MAML3: variants seen among roughly 807,000 people sequenced by gnomAD.
The protein encoded by MAML3 is mastermind like transcriptional coactivator 3.
MAML3 carries 27 observed loss-of-function variants against 101.9 expected under a neutral mutation model. The ratio of observed to expected loss-of-function variants is 0.27; its 90% confidence interval spans 0.20 to 0.37. The LOEUF (loss-of-function observed/expected upper bound fraction) is 0.37. Ranked by LOEUF, MAML3 falls within the 10% of genes least tolerant of loss-of-function variation. The pLI is 1.00. For synonymous variants in MAML3, 501 were observed against 555.9 expected (o/e 0.90, Z 1.39); for missense variants, 1,316 against 1,444.9 (o/e 0.91, Z 1.45).
chr4:140,062,998 G>C (rs188321906), intron 1 of MAML3, among the ~76,000 whole-genome samples: 84 of 152,130 alleles, frequency 5.5e-4, no homozygotes, highest in Non-Finnish European at 8.5e-4. Flanking sequence ...TTAAATATTT[G>C]CTATGTGCCA....
At chr4:139,946,461 T>G (rs1232395448) in intron 1 of MAML3, among the ~76,000 whole-genome samples, 3 of 152,158 alleles carry the variant, frequency 2.0e-5, no homozygotes, top group Non-Finnish European at 4.4e-5. Flanking sequence ...TTTTTTTTGT[T>G]AAGCACACAG....
At chr4:139,894,248 C>T (rs1231796794) in intron 1 of MAML3, among the ~76,000 whole-genome samples, 1 of 152,118 alleles carries the variant, frequency 6.6e-6, no homozygotes, top group Non-Finnish European at 1.5e-5. Context: ...CAGTAGCTCA[C>T]GCCTGTAATC....
chr4:140,082,496 G>T (rs1464519030), intron 1 of MAML3, among the ~76,000 whole-genome samples: 1 of 152,114 alleles, frequency 6.6e-6, no homozygotes, highest in Non-Finnish European at 1.5e-5. Flanking sequence ...CTTCCTCCCT[G>T]CCTGGTTGCC....
chr4:139,988,326 CAAAAAAAAAA>C (rs764018702), intron 1 of MAML3, among the ~76,000 whole-genome samples: 5 of 81,944 alleles, frequency 6.1e-5, no homozygotes, highest in East Asian at 3.6e-4. Context: ...GACTCCGTCT[CAAAAAAAAAA>C]AAAAAAAAAA....
intron 1 of MAML3, among the ~76,000 whole-genome samples, chr4:140,061,333 C>A (rs1201056653): frequency 6.6e-6 from 1 of 152,186 alleles, no homozygotes; most frequent in Non-Finnish European, 1.5e-5. Flanking sequence ...TGAAAGTAAC[C>A]TCCTAACTAC....
intron 2 of MAML3, chr4:139,740,650 C>T (rs1729135199): frequency 6.6e-6 from 1 of 152,118 alleles, no homozygotes; most frequent in Admixed American, 6.5e-5. Context: ...ATGCATAGGC[C>T]TATCTTGTGT....
At position 139,716,809 on chromosome 4, in the gene MAML3, C is replaced by T. The variant is rs1727987445; in HGVS notation, c.*2514G>A. 2.0e-5 allele frequency: 3 copies of T among 152,546 alleles called. No homozygotes were observed. The highest frequency in any genetic ancestry group is 2.0e-4 in the Admixed American group (3 of 15,282). 9.4% of individuals were successfully genotyped at this position (152,546 alleles called of 1,614,324 possible). A position where few individuals can be genotyped will look rare whatever the true frequency, so the allele number is the denominator to read the frequency against. ...GTTTTCTTTAAAAGTGGTATGTCAA[C>T]ATCACTTCATTTCTACATTTCAGCG... On this transcript the variant is annotated 3_prime_UTR_variant, in exon 5 of 5. Transcript: ENST00000509479.
intron 1 of MAML3, among the ~76,000 whole-genome samples, chr4:139,978,164 A>G (rs1560855205): frequency 2.6e-5 from 4 of 152,096 alleles, no homozygotes; most frequent in Non-Finnish European, 4.4e-5. Flanking sequence ...CTCGGAAGCA[A>G]ATGTGAAGAA....
intron 1 of MAML3, among the ~76,000 whole-genome samples, chr4:139,921,056 C>T (rs1236139805): frequency 6.6e-6 from 1 of 152,180 alleles, no homozygotes; most frequent in African/African-American, 2.4e-5. Flanking sequence ...TGCTCTCTTT[C>T]CTCCTCATTT....
chr4:139,952,920 C>T (rs905246780), intron 1 of MAML3, among the ~76,000 whole-genome samples: 3 of 152,248 alleles, frequency 2.0e-5, no homozygotes, highest in East Asian at 1.9e-4. Context: ...GGAAGGAGCT[C>T]GCTGCCTGTC....
intron 1 of MAML3, among the ~76,000 whole-genome samples, chr4:139,917,638 G>A (rs1004416364): frequency 6.6e-6 from 1 of 152,188 alleles, no homozygotes. Context: ...GTAATGGGGA[G>A]AAAGAATTCA....
At chr4:139,780,623 C>CT (rs35929438) in intron 2 of MAML3, among the ~76,000 whole-genome samples, 4,201 of 136,822 alleles carry the variant, frequency 0.031, 126 homozygotes, top group African/African-American at 0.063. Context: ...TCTTTCTTTT[C>CT]TTTTTTTTTT....
intron 1 of MAML3, among the ~76,000 whole-genome samples, chr4:139,997,638 T>C (rs955093951): frequency 2.6e-5 from 4 of 152,164 alleles, no homozygotes; most frequent in African/African-American, 9.6e-5. Flanking sequence ...TTTGCCATTT[T>C]CAGTGCTATT....
In MAML3 at chr4:140,153,457, G is replaced by C. The variant is rs1260890151; in HGVS notation, c.-130C>G. On this transcript the variant is annotated 5_prime_UTR_variant, in exon 1 of 5. Coordinates refer to ENST00000509479, the MANE Select transcript of MAML3 (RefSeq NM_018717.5). ...GAGACGCAAGCACATGGATGGAAACGGCGATCCCGACGGGGCGAAAAAAAC... is the reference window on the plus strand; with the variant it reads ...GAGACGCAAGCACATGGATGGAAACCGCGATCCCGACGGGGCGAAAAAAAC... The C allele has an allele frequency of 7.2e-6, 8 of 1,111,208 alleles. No homozygotes were observed. Among genetic ancestry groups the C allele is most frequent in the Admixed American group, 8.2e-5 (2 of 24,364 alleles). The allele number at this position is 1,111,208 out of a possible 1,614,324, so 68.8% of individuals were successfully genotyped here.
intron 2 of MAML3, among the ~76,000 whole-genome samples, chr4:139,757,603 A>G (rs1247832392): frequency 7.0e-6 from 1 of 141,848 alleles, no homozygotes; most frequent in Admixed American, 7.7e-5. Flanking sequence ...AGATTGCACC[A>G]CTGCACTCCA....
chr4:140,067,994 G>A (rs982454108), intron 1 of MAML3, among the ~76,000 whole-genome samples: 2 of 152,168 alleles, frequency 1.3e-5, no homozygotes, highest in East Asian at 3.9e-4. Context: ...GCCTCCCAAA[G>A]TGCTGGAATT....
intron 2 of MAML3, among the ~76,000 whole-genome samples, chr4:139,738,754 T>C (rs1324957642): frequency 6.6e-6 from 1 of 151,878 alleles, no homozygotes; most frequent in East Asian, 1.9e-4. Flanking sequence ...AGAAAAAAAG[T>C]ATACAGAAAA....
intron 1 of MAML3, among the ~76,000 whole-genome samples, chr4:140,087,318 A>G (rs368970072): frequency 4.6e-5 from 7 of 152,178 alleles, no homozygotes; most frequent in Admixed American, 1.3e-4. Flanking sequence ...TCATATACTC[A>G]TCCCTGCCAT....
At chr4:139,764,609 G>A (rs923759731) in intron 2 of MAML3, among the ~76,000 whole-genome samples, 7 of 152,194 alleles carry the variant, frequency 4.6e-5, no homozygotes, top group Non-Finnish European at 8.8e-5. Flanking sequence ...ATGCATGCGA[G>A]AGCACTTTGT....
Sources: allele counts gnomAD v4.1 joint callset (sites outside exome capture counted in the v4.1 genomes callset), GRCh38; gene constraint gnomAD v4.1.1; transcripts MANE v1.5; gene names NCBI Gene and HGNC (gene_info 2026-07-23, HGNC 2026-07-21).